The following TTN variants were observed in gnomAD, a reference collection of about 807,000 sequenced individuals.
TTN encodes the protein connectin.
In TTN, 1,525 loss-of-function variants were observed where a neutral mutation model predicts 3,223.0. That is an observed-to-expected ratio of 0.47 (90% CI 0.45 to 0.49). TTN has a LOEUF of 0.49. TTN is among the 20% of genes least tolerant of loss of function. TTN has a pLI of 0.00. For missense variants in TTN, 40,786 were observed against 43,424.0 expected, an observed-to-expected ratio of 0.94 and a Z score of 5.40; for synonymous variants, 14,094 against 15,161.0, an observed-to-expected ratio of 0.93 and a Z score of 5.17.
In TTN at chr2:178,652,862, A is replaced by G. The variant is rs1329791029; in HGVS notation, c.38945T>C (p.Val12982Ala). 1 of 1,611,846 alleles carries G rather than the reference A, an allele frequency of 6.2e-7. No individual in the cohort carries two copies. The highest frequency in any genetic ancestry group is 1.1e-5 in the South Asian group (1 of 90,796). ...GTGACAAATACCTTTAACAGGAGGG[A>G]CTTCAGGCTTTTTAGGAGGAGCCAA... ...MPLAPPKKPEVPPVKVPEAPK... is the reference protein window; with the variant it reads ...MPLAPPKKPEAPPVKVPEAPK... The change falls in exon 200 of 363, where the codon GTC becomes GCC. Residue 12982 changes from valine (V) to alanine (A), a missense_variant. Coordinates refer to ENST00000589042, the MANE Select transcript of TTN (RefSeq NM_001267550.2).
At position 178,568,864 on chromosome 2, in the gene TTN, T is replaced by C. The variant is rs376372388; in HGVS notation, c.77268A>G (p.Ala25756=). The change falls in exon 326 of 363, where the codon GCA becomes GCG. Residue 25756 remains alanine (A), a synonymous_variant. Coordinates refer to ENST00000589042, the MANE Select transcript of TTN (RefSeq NM_001267550.2). ...CCCCTTGAGTTAGGTTGGTAATTAC[T>C]GCCTGAAGAGACTTTACTCGAGCAC... ...SECARVKSLQ[A]VITNLTQGEE... 7.4e-6 allele frequency: 12 copies of C among 1,613,096 alleles called. No homozygotes were observed. The African/African-American group carries it at 1.5e-4, about 20-fold the overall frequency.
At position 178,540,368 on chromosome 2, in the gene TTN, G is replaced by T; in HGVS notation, c.97798C>A (p.Pro32600Thr). The T allele has an allele frequency of 6.2e-7, 1 of 1,610,390 alleles. No individual in the cohort carries two copies. Among genetic ancestry groups the T allele is most frequent in the Non-Finnish European group, 8.5e-7 (1 of 1,177,850 alleles). The change falls in exon 351 of 363, where the codon CCT (proline) becomes ACT (threonine). Residue 32600 changes from proline (P) to threonine (T), a missense_variant and splice_region_variant. Transcript: ENST00000589042. ...KPIVAMDPIA[P>T]PGKPQNPRVT... ...CTTGGGTTTTGTGGCTTTCCTGGAG[G>T]AGCTGAGAATAAGAATAAGAATATA...
chr2:178,651,946 A>G lies in TTN; in HGVS notation c.39317T>C (p.Val13106Ala). The change falls in exon 205 of 363, where the codon GTT becomes GCT. Residue 13106 changes from valine (V) to alanine (A), a missense_variant. Physicochemically the swap from Val to Ala is moderately conservative, Grantham distance 64 (BLOSUM62 0). Transcript: ENST00000589042. ...TTCAGCAGGAGGCTCTTCTAGGGCA[A>G]CTTCCTCAGGCTCCTCGAACACTTT... ...PPEVFEEPEE[V>A]ALEEPPAEVV... 4 of 1,610,614 alleles carry G rather than the reference A, an allele frequency of 2.5e-6. No homozygotes were observed. Among genetic ancestry groups the G allele is most frequent in the African/African-American group, 1.3e-5 (1 of 74,926 alleles).
chr2:178,629,517 T>G, intron 239 of TTN, 74 bp from the exon 240 acceptor site: 1 of 1,592,664 alleles, frequency 6.3e-7, no homozygotes, highest in Non-Finnish European at 8.6e-7. Context: ...GACTTAGATA[T>G]GAATCTTCAT....
At chr2:178,752,089 G>C in intron 47 of TTN, 1 of 1,529,488 alleles carries the variant, frequency 6.5e-7, no homozygotes, top group Non-Finnish European at 8.8e-7. Flanking sequence ...ACTTGAAAAA[G>C]TTGAAAGTAA....
intron 304 of TTN, 107 bp from the exon 305 acceptor site, chr2:178,588,326 AT>A: frequency 8.5e-7 from 1 of 1,181,274 alleles, no homozygotes. Flanking sequence ...CAATTTTTCA[AT>A]TAGTGTCCTC....
Position 178,531,323 on chromosome 2 carries a change from G to A in TTN, c.105292C>T (p.His35098Tyr). ...ETRESLSSYE[H>Y]SASAEMKSAA... is the part of the protein sequence containing the mutation. ...CTTTTCATTTCTGCAGATGCAGAGT[G>A]TTCATATGAGGAGAGACTTTCCCTT... Residue 35098 changes from histidine to tyrosine, a missense_variant, in exon 358 of 363, where the codon CAC becomes TAC. Physicochemically the swap from His to Tyr is moderately conservative, Grantham distance 83. Coordinates refer to ENST00000589042, the MANE Select transcript of TTN (RefSeq NM_001267550.2). 4 of 1,614,008 alleles carry A rather than the reference G, an allele frequency of 2.5e-6. No homozygotes were observed. Among genetic ancestry groups the A allele is most frequent in the Non-Finnish European group, 2.5e-6 (3 of 1,179,894 alleles).
At chr2:178,600,044 A>G (rs1469612031) in intron 288 of TTN, among the ~76,000 whole-genome samples, 194 bp from the exon 289 acceptor site, 1 of 151,910 alleles carries the variant, frequency 6.6e-6, no homozygotes. Flanking sequence ...AGCATCTTTT[A>G]TTGGATCTAC....
chr2:178,753,241 A>C (rs891612752), intron 46 of TTN, 61 bp from the exon 47 acceptor site: 1 of 1,317,154 alleles, frequency 7.6e-7, no homozygotes, highest in African/African-American at 1.5e-5. Flanking sequence ...TTCTGCATCA[A>C]TTCATGACTT....
chr2:178,783,983 C>G (rs989857112), intron 16 of TTN, 87 bp downstream of exon 16: 2 of 1,601,602 alleles, frequency 1.2e-6, no homozygotes, highest in Non-Finnish European at 8.5e-7. Flanking sequence ...CAAGACTCCA[C>G]TGGCTACTTT....
rs1173902848 is a variant in TTN at position 178,561,807 on chromosome 2, C to A, written c.84325G>T (p.Val28109Phe). 2 of 1,613,660 alleles carry A rather than the reference C, an allele frequency of 1.2e-6. No individual in the cohort carries two copies. Among genetic ancestry groups the A allele is most frequent in the Admixed American group, 3.3e-5 (2 of 60,000 alleles). The change falls in exon 326 of 363, where the codon GTT (valine) becomes TTT (phenylalanine). Residue 28109 changes from valine to phenylalanine, a missense_variant. Physicochemically the swap from Val to Phe is conservative, Grantham distance 50. Transcript: ENST00000589042. ...ACTATTTTAATGGATGTTCTTGCAA[C>A]TGCTTGTGAAACTATGTGCCATGTT... ...STTWHIVSQA[V>F]ARTSIKIVRL...
In TTN at chr2:178,571,713, C is replaced by T. The variant is rs781551436; in HGVS notation, c.74419G>A (p.Asp24807Asn). The T allele has an allele frequency of 3.1e-6, 5 of 1,613,444 alleles. No individual in the cohort carries two copies. The highest frequency in any genetic ancestry group is 1.7e-5 in the Admixed American group (1 of 59,990). ...GGTCCAGTTGGAGGCCCTGGTTTGTCAAGAACGATAACATTAAGGGTTTCA... is the reference window on the plus strand; with the variant it reads ...GGTCCAGTTGGAGGCCCTGGTTTGTTAAGAACGATAACATTAAGGGTTTCA... ...AIETLNVIVLDKPGPPTGPVK... is the reference protein window; with the variant it reads ...AIETLNVIVLNKPGPPTGPVK... The change falls in exon 326 of 363, where the codon GAC (aspartate) becomes AAC (asparagine). Residue 24807 changes from aspartate to asparagine, a missense_variant. Coordinates refer to ENST00000589042, the MANE Select transcript of TTN (RefSeq NM_001267550.2).
rs1368567004 is a variant in TTN at position 178,539,568 on chromosome 2, G to A, written c.98497C>T (p.Leu32833Phe). 6.2e-7 allele frequency: 1 copy of A among 1,613,812 alleles called. No individual in the cohort carries two copies. ...GCTTTAGGCACTTCTCGTCTCTCGA[G>A]GATGTAGCCTAAGATGTCAGCACCA... ...DGGADILGYILERREVPKAAW... is the reference protein window; with the variant it reads ...DGGADILGYIFERREVPKAAW... Residue 32833 changes from leucine (L) to phenylalanine (F), a missense_variant, in exon 352 of 363, where the codon CTC becomes TTC. Leu to Phe is a conservative substitution (Grantham distance 22, BLOSUM62 0). Coordinates refer to ENST00000589042, the MANE Select transcript of TTN (RefSeq NM_001267550.2).
rs1430762087 is a variant in TTN, at chr2:178,717,823, T to C, written c.25064-13A>G. On this transcript the variant is annotated splice_polypyrimidine_tract_variant and intron_variant, in intron 86 of 362. Coordinates refer to ENST00000589042, the MANE Select transcript of TTN (RefSeq NM_001267550.2). ...GGAAGTTTGCGCGCTGTAAAGAAGT[T>C]ACAGATAATCCTTATTTACAGGTGA... 3 of 1,591,808 alleles carry C rather than the reference T, an allele frequency of 1.9e-6. No homozygotes were observed. Among genetic ancestry groups the C allele is most frequent in the Non-Finnish European group, 2.6e-6 (3 of 1,169,606 alleles).
At position 178,730,632 on chromosome 2, in the gene TTN, G is replaced by T. The variant is rs2080281406; in HGVS notation, c.17901C>A (p.Phe5967Leu). The part of the protein sequence containing the change: ...QEISASEKYK[F>L]SFHDNTAFLE... ...AGAAGGCAGTATTGTCATGAAAAGAGAATTTGTACTTTTCACTAGCTGATA... is the reference window on the plus strand; with the variant it reads ...AGAAGGCAGTATTGTCATGAAAAGATAATTTGTACTTTTCACTAGCTGATA... The change falls in exon 61 of 363, where the codon TTC becomes TTA. Residue 5967 changes from phenylalanine to leucine, a missense_variant. Phe to Leu is a conservative substitution (Grantham distance 22). Coordinates refer to ENST00000589042, the MANE Select transcript of TTN (RefSeq NM_001267550.2). 1 of 1,613,514 alleles carries T rather than the reference G, an allele frequency of 6.2e-7. No individual in the cohort carries two copies. Among genetic ancestry groups the T allele is most frequent in the Non-Finnish European group, 8.5e-7 (1 of 1,179,680 alleles).
At chr2:178,707,963 T>A in intron 99 of TTN, 150 bp from the exon 100 acceptor site, 1 of 812,418 alleles carries the variant, frequency 1.2e-6, no homozygotes, top group Non-Finnish European at 1.9e-6. Context: ...TATTCCTCTC[T>A]AAAGACAATA....
rs765761850 is a variant in TTN at position 178,706,878 on chromosome 2, A to G, written c.29118T>C (p.Ser9706=). ...GRLFFVSEPQ[S]IRVVEKTTAT... is the part of the protein sequence containing the mutation. ...TGCACTTACTTTCTACGACTCTGATACTCTGAGGTTCTGACACAAAAAAGA... is the reference window on the plus strand; with the variant it reads ...TGCACTTACTTTCTACGACTCTGATGCTCTGAGGTTCTGACACAAAAAAGA... The change falls in exon 101 of 363, where the codon AGT becomes AGC. Residue 9706 remains serine (S), a synonymous_variant. Transcript: ENST00000589042. 1.2e-6 allele frequency: 2 copies of G among 1,612,384 alleles called. No individual in the cohort carries two copies. The highest frequency in any genetic ancestry group is 1.1e-5 in the South Asian group (1 of 90,694).
intron 71 of TTN, 188 bp from the exon 72 acceptor site, chr2:178,724,726 T>C: frequency 1.7e-6 from 1 of 574,276 alleles, no homozygotes; most frequent in Non-Finnish European, 2.6e-6. Context: ...TTTAATATTT[T>C]TTCTTTTCAG....
At chr2:178,728,462 T>C in intron 66 of TTN, 38 bp downstream of exon 66, 1 of 1,588,536 alleles carries the variant, frequency 6.3e-7, no homozygotes, top group Non-Finnish European at 8.6e-7. Context: ...AAGGACATAC[T>C]ATAAATAAGG....
Sources: gnomAD v4.1 joint callset for allele counts (sites outside exome capture counted in the v4.1 genomes callset) on GRCh38, gnomAD v4.1.1 for gene constraint, MANE v1.5 for transcripts, NCBI Gene and HGNC (gene_info 2026-07-23, HGNC 2026-07-21) for gene names.